The following MTRR variants were observed in gnomAD, a reference collection of about 807,000 sequenced individuals.
MTRR encodes methionine synthase reductase.
Under a neutral mutation model 79.2 loss-of-function variants are expected in MTRR, and 63 were observed. The observed-to-expected ratio is 0.80, with a 90% CI of 0.65 to 0.98. The LOEUF (loss-of-function observed/expected upper bound fraction) is 0.98, where lower values mean the gene tolerates loss of function less well. Ranked by LOEUF, MTRR falls within the 50% of genes least tolerant of loss-of-function variation. The pLI, the probability that MTRR is intolerant of heterozygous loss-of-function variation, is 0.00. For missense variants in MTRR, 895 were observed against 839.6 expected (o/e 1.07, Z -0.82); for synonymous variants, 355 against 313.3 (o/e 1.13, Z -1.41).
chr5:7,875,123 A>G, intron 3 of MTRR, 135 bp from the exon 4 acceptor site: 2 of 719,754 alleles, frequency 2.8e-6, no homozygotes, highest in Non-Finnish European at 4.9e-6. Context: ...AAGGAAAATA[A>G]AATGTGAAGC....
rs1034610800 is a variant in MTRR at position 7,900,917 on chromosome 5, A to G, written c.*859A>G. 2 of 152,172 alleles carry G rather than the reference A, an allele frequency of 1.3e-5. No individual in the cohort carries two copies. The highest frequency in any genetic ancestry group is 4.8e-5 in the African/African-American group (2 of 41,438). The allele number at this position is 152,172 out of a possible 1,614,324, so 9.4% of individuals were successfully genotyped here. On this transcript the variant is annotated 3_prime_UTR_variant, in exon 15 of 15. Coordinates refer to ENST00000440940, the MANE Select transcript of MTRR (RefSeq NM_002454.3). ...GTGCTGGACCTAAAATACTGACTTT[A>G]GTTAGTATCCTTGGATTTTTAGATT...
chr5:7,892,125 G>T (rs906732177), intron 10 of MTRR, among the ~76,000 whole-genome samples: 1 of 152,132 alleles, frequency 6.6e-6, no homozygotes, highest in Non-Finnish European at 1.5e-5. Flanking sequence ...AGCCTCTACC[G>T]TTTTCCCGTC....
In MTRR at chr5:7,891,362, T is replaced by C; in HGVS notation, c.1328-10T>C. On this transcript the variant is annotated splice_polypyrimidine_tract_variant and intron_variant, in intron 9 of 14. Transcript: ENST00000440940. ...TGAATTAATAATTGCTTGTTTTTAT[T>C]TTTTTCTAGAACATCTTCCTAAACT... is the stretch of plus-strand genomic sequence containing the variant. 6.3e-7 allele frequency: 1 copy of C among 1,598,670 alleles called. No individual in the cohort carries two copies. Among genetic ancestry groups the C allele is most frequent in the Non-Finnish European group, 8.6e-7 (1 of 1,167,140 alleles).
chr5:7,875,135 C>A (rs1280968240), intron 3 of MTRR, 123 bp from the exon 4 acceptor site: 7 of 761,414 alleles, frequency 9.2e-6, no homozygotes, highest in Non-Finnish European at 1.4e-5. Flanking sequence ...ATGTGAAGCT[C>A]TGCATTATTA....
At chr5:7,861,813 T>G in intron 1 of MTRR, 1 of 1,341,504 alleles carries the variant, frequency 7.5e-7, no homozygotes, top group Non-Finnish European at 9.6e-7. Flanking sequence ...GGTGAGAATT[T>G]TAATTCAATT....
chr5:7,894,965 C>T (rs1738258986), intron 11 of MTRR, among the ~76,000 whole-genome samples: 1 of 152,152 alleles, frequency 6.6e-6, no homozygotes, highest in Non-Finnish European at 1.5e-5. Flanking sequence ...CACAGCTTTG[C>T]CATTCCTTCA....
At position 7,875,585 on chromosome 5, in the gene MTRR, G is replaced by A. The variant is rs79066534; in HGVS notation, c.401+210G>A. Among the ~76,000 whole-genome samples, 4,556 of 152,284 alleles carry A rather than the reference G, an allele frequency of 0.03. 243 individuals carry two copies. Among genetic ancestry groups the A allele is most frequent in the African/African-American group, 0.1 (4,350 of 41,554 alleles). ...TTTTGTGTCCATCTCATCCTTGTCA[G>A]TATATGCTAACGGCAAGAGTTAGAA... On this transcript the variant is annotated intron_variant, in intron 4 of 14. Coordinates refer to ENST00000440940, the MANE Select transcript of MTRR (RefSeq NM_002454.3).
chr5:7,873,396 TC>T lies in MTRR; in HGVS notation c.155del (p.Pro52LeufsTer59). On this transcript the variant is annotated frameshift_variant, in exon 3 of 15. Coordinates refer to ENST00000440940, the MANE Select transcript of MTRR (RefSeq NM_002454.3). LOFTEE classifies it high-confidence loss of function. ...AGTATGACCTAAAAACCGAAACAGC[TC>T]CTCTTGTTGTTGTGGTTTCTACCAC... ...DKYDLKTETAPLVVVVSTTGT... is the reference protein window; with the variant it reads ...DKYDLKTETAXLVVVVSTTGT... 6.2e-7 allele frequency: 1 copy of T among 1,614,076 alleles called. No homozygotes were observed. Among genetic ancestry groups the T allele is most frequent in the Non-Finnish European group, 8.5e-7 (1 of 1,180,000 alleles).
chr5:7,885,119 C>T (rs1736199231), intron 6 of MTRR: 1 of 158,734 alleles, frequency 6.3e-6, no homozygotes, highest in African/African-American at 2.4e-5. Flanking sequence ...AGGCAATGGG[C>T]CTAGTAATAG....
At position 7,891,420 on chromosome 5, in the gene MTRR, A is replaced by G; in HGVS notation, c.1370+6A>G. On this transcript the variant is annotated splice_donor_region_variant and intron_variant, in intron 10 of 14. Coordinates refer to ENST00000440940, the MANE Select transcript of MTRR (RefSeq NM_002454.3). ...AGACCATATTCGTGTGCAAGGTACT[A>G]CTATTTATTCACGTAATATATAGCA... 2 of 1,606,488 alleles carry G rather than the reference A, an allele frequency of 1.2e-6. No individual in the cohort carries two copies. The highest frequency in any genetic ancestry group is 1.7e-6 in the Non-Finnish European group (2 of 1,174,298).
In MTRR at chr5:7,861,248, A is replaced by C. The variant is rs1746511141; in HGVS notation, n.392-703A>C. 1.9e-6 allele frequency: 3 copies of C among 1,600,062 alleles called. No homozygotes were observed. Among genetic ancestry groups the C allele is most frequent in the Non-Finnish European group, 2.6e-6 (3 of 1,168,942 alleles). The stretch of plus-strand genomic sequence containing the variant: ...TGGAGCAAAACCTTTTTGGACCATC[A>C]ATACACAGTGCTATCCTGAAAAATA... On this transcript the variant is annotated intron_variant and non_coding_transcript_variant, in intron 1 of 3. Coordinates refer to the MTRR transcript ENST00000502509.
At chr5:7,868,632 G>C (rs1747251311), upstream of MTRR, among the ~76,000 whole-genome samples, 1 of 152,206 alleles carries the variant, frequency 6.6e-6, no homozygotes, top group African/African-American at 2.4e-5. Flanking sequence ...TCGGTGTCGG[G>C]AGAAGGTTAG....
intron 1 of MTRR, among the ~76,000 whole-genome samples, chr5:7,857,133 T>C (rs1746269345): frequency 6.6e-6 from 1 of 152,228 alleles, no homozygotes; most frequent in Non-Finnish European, 1.5e-5. Flanking sequence ...TAAAACAATT[T>C]TTTTTCATTC....
intron 6 of MTRR, 65 bp from the exon 7 acceptor site, chr5:7,885,636 C>T: frequency 6.8e-7 from 1 of 1,476,474 alleles, no homozygotes; most frequent in Non-Finnish European, 9.4e-7. Flanking sequence ...TTTTTGTTAC[C>T]CTACAGCTTA....
chr5:7,872,319 G>T, intron 2 of MTRR: 1 of 407,906 alleles, frequency 2.5e-6, no homozygotes, highest in East Asian at 7.2e-5. Context: ...AGACAAGGAA[G>T]TGTTCTATTT....
intron 8 of MTRR, among the ~76,000 whole-genome samples, chr5:7,888,612 A>G (rs1737011203): frequency 6.6e-6 from 1 of 152,220 alleles, no homozygotes; most frequent in Non-Finnish European, 1.5e-5. Flanking sequence ...CTTTGGGAAC[A>G]GTGATTTTGT....
At chr5:7,866,911 T>C, upstream of MTRR, 8 of 1,614,204 alleles carry the variant, frequency 5.0e-6, no homozygotes, top group Non-Finnish European at 6.8e-6. Flanking sequence ...TTTCTGCCAC[T>C]GCATTGAGGA....
Position 7,897,211 on chromosome 5 carries a change from T to G in MTRR, c.1916T>G (p.Ile639Ser), listed in dbSNP as rs1404592166. ...IQLHGQQVARILLQENGHIYV... is the reference protein window; with the variant it reads ...IQLHGQQVARSLLQENGHIYV... Reference sequence around the variant, plus strand: ...CTTCATGGCCAGCAGGTGGCGAGAATCCTCCTCCAGGAGAACGGCCATATT... The same window carrying G: ...CTTCATGGCCAGCAGGTGGCGAGAAGCCTCCTCCAGGAGAACGGCCATATT... Residue 639 changes from isoleucine to serine, a missense_variant, in exon 14 of 15, where the codon ATC becomes AGC. Physicochemically the swap from Ile to Ser is moderately radical, Grantham distance 142. Transcript: ENST00000440940. 1 of 1,613,758 alleles carries G rather than the reference T, an allele frequency of 6.2e-7. No individual in the cohort carries two copies. The highest frequency in any genetic ancestry group is 8.5e-7 in the Non-Finnish European group (1 of 1,179,888).
chr5:7,869,446 G>T, intron 1 of MTRR: 3 of 559,396 alleles, frequency 5.4e-6, no homozygotes, highest in Non-Finnish European at 9.5e-6. Context: ...GGCCTCTGCC[G>T]CGGGAGGCCC....
Sources: gnomAD v4.1 joint callset for allele counts (sites outside exome capture counted in the v4.1 genomes callset) on GRCh38, gnomAD v4.1.1 for gene constraint, MANE v1.5 for transcripts, NCBI Gene and HGNC (gene_info 2026-07-23, HGNC 2026-07-21) for gene names.